LIME1: variants seen among roughly 807,000 people sequenced by gnomAD.
LIME1 encodes the protein lck-interacting transmembrane adapter 1.
In LIME1, 23 loss-of-function variants were observed where a neutral mutation model predicts 18.8. The ratio of observed to expected loss-of-function variants is 1.22; its 90% CI spans 0.88 to 1.73. The LOEUF (loss-of-function observed/expected upper bound fraction) is 1.73. Among genes scored for constraint, LIME1 ranks in the 40% most tolerant of loss-of-function variants. LIME1 has a pLI of 0.00. For missense variants in LIME1, 423 were observed against 396.8 expected (o/e 1.07, Z -0.56); for synonymous variants, 177 against 182.3 (o/e 0.97, Z 0.23).
rs1455376688 is a variant in LIME1 at position 63,738,660 on chromosome 20, C to T, written c.648C>T (p.Asp216=). The change falls in exon 6 of 6, where the codon GAC becomes GAT. Residue 216 remains aspartate (D), a synonymous_variant. Coordinates refer to ENST00000309546, the MANE Select transcript of LIME1 (RefSeq NM_017806.4). ...GGAGGGACCCAGGACCCACCACAGA[C>T]CCGCTGGACCCCAAGGGCCAGGGAG... ...PKRRDPGPTT[D]PLDPKGQGAI... 7 of 1,611,430 alleles carry T rather than the reference C, an allele frequency of 4.3e-6. No individual in the cohort carries two copies. Among genetic ancestry groups the T allele is most frequent in the Non-Finnish European group, 5.9e-6 (7 of 1,179,114 alleles).
chr20:63,735,920 A>G (rs760326405), upstream of LIME1: 2 of 1,611,316 alleles, frequency 1.2e-6, no homozygotes, highest in Non-Finnish European at 1.7e-6. Context: ...TGAGTTCTAG[A>G]GACCCCACAA....
chr20:63,737,788 C>T (rs1399472258), intron 2 of LIME1, 33 bp from the exon 3 acceptor site: 2 of 973,942 alleles, frequency 2.1e-6, no homozygotes, highest in Admixed American at 2.9e-5. Flanking sequence ...AGGCTGACGA[C>T]CCCGCCCCCC....
intron 1 of LIME1, 21 bp from the exon 2 acceptor site, chr20:63,737,512 G>T: frequency 2.1e-6 from 3 of 1,460,366 alleles, no homozygotes; most frequent in Non-Finnish European, 2.7e-6. Context: ...AGCCCCCAGC[G>T]CCCCTTTCTT....
At chr20:63,737,779 G>A in intron 2 of LIME1, 42 bp from the exon 3 acceptor site, 1 of 1,427,452 alleles carries the variant, frequency 7.0e-7, no homozygotes. Context: ...TTGGACCCGA[G>A]GCTGACGACC....
chr20:63,737,675 G>T (rs950073725), intron 2 of LIME1, 28 bp downstream of exon 2: 20 of 1,526,216 alleles, frequency 1.3e-5, no homozygotes. Context: ...GTTCTGTCTG[G>T]GGCCTCGCTG....
At chr20:63,737,064 C>T in intron 1 of LIME1, 1 of 987,500 alleles carries the variant, frequency 1.0e-6, no homozygotes, top group Non-Finnish European at 1.2e-6. Flanking sequence ...GTGCAGGGTC[C>T]CTCCTGCTGA....
At chr20:63,736,012 G>C, upstream of LIME1, 6 of 1,531,198 alleles carry the variant, frequency 3.9e-6, no homozygotes, top group Non-Finnish European at 5.3e-6. Context: ...CGGCCTGCTG[G>C]CCTGGGGCGT....
rs1278951051 is a variant in LIME1, at chr20:63,737,840, C to G, written c.118C>G (p.Pro40Ala). 3 of 1,546,322 alleles carry G rather than the reference C, an allele frequency of 1.9e-6. No individual in the cohort carries two copies. Among genetic ancestry groups the G allele is most frequent in the Non-Finnish European group, 2.6e-6 (3 of 1,154,334 alleles). Reference sequence around the variant, plus strand: ...CCCAAGGCCCGAGGACGCTGTAGCCCCCAGGAAGAGGGCGCGGAGGCAGCG... The same window carrying G: ...CCCAAGGCCCGAGGACGCTGTAGCCGCCAGGAAGAGGGCGCGGAGGCAGCG... ...ACRRPEDAVA[P>A]RKRARRQRAR... The change falls in exon 3 of 6, where the codon CCC (proline) becomes GCC (alanine). Residue 40 changes from proline to alanine, a missense_variant. Coordinates refer to ENST00000309546, the MANE Select transcript of LIME1 (RefSeq NM_017806.4).
chr20:63,738,577 G>T, intron 5 of LIME1, 21 bp from the exon 6 acceptor site: 1 of 1,535,228 alleles, frequency 6.5e-7, no homozygotes, highest in Non-Finnish European at 8.8e-7. Flanking sequence ...ACCCCTCCTC[G>T]GGTTGGCTTC....
At chr20:63,736,647 G>A (rs1193809688), upstream of LIME1, 29 of 985,892 alleles carry the variant, frequency 2.9e-5, no homozygotes, top group Non-Finnish European at 3.3e-5. Flanking sequence ...GAGCTCAGCC[G>A]AGGGCTGCAC....
At chr20:63,736,770 C>G (rs1275984592) in intron 1 of LIME1, 58 bp downstream of exon 1, 1 of 985,504 alleles carries the variant, frequency 1.0e-6, no homozygotes, top group Non-Finnish European at 1.2e-6. Flanking sequence ...GTGGCTGCAG[C>G]TGGGTCAGTC....
intron 1 of LIME1, 92 bp from the exon 2 acceptor site, chr20:63,737,441 G>A: frequency 1.4e-6 from 2 of 1,384,864 alleles, no homozygotes; most frequent in South Asian, 1.7e-5. Context: ...AGACGCAGGA[G>A]CCCCGCAGCC....
Position 63,738,588 on chromosome 20 carries a change from C to T in LIME1, c.586-10C>T. On this transcript the variant is annotated splice_polypyrimidine_tract_variant and intron_variant, in intron 5 of 5. Coordinates refer to ENST00000309546, the MANE Select transcript of LIME1 (RefSeq NM_017806.4). ...GCTGACCCCTCCTCGGGTTGGCTTC[C>T]TGTCTCCAGGTGGACGTCCTGTACT... 1 of 1,539,616 alleles carries T rather than the reference C, an allele frequency of 6.5e-7. No individual in the cohort carries two copies. Among genetic ancestry groups the T allele is most frequent in the Non-Finnish European group, 8.7e-7 (1 of 1,144,116 alleles).
chr20:63,736,185 G>A (rs2091988586), upstream of LIME1: 4 of 495,264 alleles, frequency 8.1e-6, no homozygotes, highest in Non-Finnish European at 1.4e-5. Flanking sequence ...GGGGAGAGAA[G>A]GGTCTGTGCA....
At chr20:63,735,825 C>A, upstream of LIME1, 2 of 1,611,736 alleles carry the variant, frequency 1.2e-6, no homozygotes, top group Non-Finnish European at 8.5e-7. Flanking sequence ...CTGGCAGGAG[C>A]CCAGCGCCAG....
At position 63,738,409 on chromosome 20, in the gene LIME1, C is replaced by T. The variant is rs1031751351; in HGVS notation, c.495C>T (p.Ala165=). The T allele has an allele frequency of 1.3e-6, 2 of 1,546,046 alleles. No homozygotes were observed. Among genetic ancestry groups the T allele is most frequent in the African/African-American group, 2.7e-5 (2 of 73,110 alleles). ...GVSLAASPVV[A]EYARVQKRKG... ...GCCTGGCGGCCAGCCCTGTGGTGGC[C>T]GAGTATGCCCGCGTCCAGAAGCGCA... is the stretch of plus-strand genomic sequence containing the variant. Residue 165 remains alanine (A), a synonymous_variant, in exon 5 of 6, where the codon GCC becomes GCT. Coordinates refer to ENST00000309546, the MANE Select transcript of LIME1 (RefSeq NM_017806.4).
upstream of LIME1, chr20:63,735,750 AC>A: frequency 7.6e-6 from 12 of 1,569,330 alleles, no homozygotes; most frequent in Non-Finnish European, 9.5e-6. Flanking sequence ...ATGGCCCAGG[AC>A]CCCACGCTGA....
chr20:63,736,951 CAG>C, intron 1 of LIME1: 1 of 985,646 alleles, frequency 1.0e-6, no homozygotes, highest in Non-Finnish European at 1.2e-6. Flanking sequence ...TCCTCTCTGG[CAG>C]AGACACTGGC....
Position 63,737,880 on chromosome 20 carries a change from G to A in LIME1, c.158G>A (p.Gly53Asp), listed in dbSNP as rs2092011724. The change falls in exon 3 of 6, where the codon GGC (glycine) becomes GAC (aspartate). Residue 53 changes from glycine (G) to aspartate (D), a missense_variant. Physicochemically the swap from Gly to Asp is moderately conservative, Grantham distance 94. Coordinates refer to ENST00000309546, the MANE Select transcript of LIME1 (RefSeq NM_017806.4). Reference protein sequence around the residue: ...RARRQRARLQGSATAAEASLL... With the variant: ...RARRQRARLQDSATAAEASLL... ...CGGAGGCAGCGGGCGAGGCTGCAGGGCAGTGCGACGGCGGCGGAAGCGGTG... is the reference window on the plus strand; with the variant it reads ...CGGAGGCAGCGGGCGAGGCTGCAGGACAGTGCGACGGCGGCGGAAGCGGTG... The A allele has an allele frequency of 3.8e-6, 6 of 1,580,974 alleles. No homozygotes were observed. The East Asian group carries it at 1.1e-4, about 30-fold the overall frequency.
Sources: allele counts gnomAD v4.1 joint callset, GRCh38; gene constraint gnomAD v4.1.1; transcripts MANE v1.5; gene names NCBI Gene and HGNC (gene_info 2026-07-23, HGNC 2026-07-21).